The following FAM118A variants were observed in gnomAD, a reference collection of about 807,000 sequenced individuals.
FAM118A encodes the protein protein FAM118A.
Under a neutral mutation model 38.2 loss-of-function variants are expected in FAM118A, and 25 were observed. That is an observed-to-expected ratio of 0.65 (90% CI 0.48 to 0.91). The LOEUF is 0.91. Ranked by LOEUF, FAM118A falls within the 40% of genes least tolerant of loss-of-function variation. The pLI is 0.00. For synonymous variants in FAM118A, 178 were observed against 184.1 expected (o/e 0.97, Z 0.27); for missense variants, 425 against 463.3 (o/e 0.92, Z 0.76).
intron 1 of FAM118A, among the ~76,000 whole-genome samples, chr22:45,316,858 A>G (rs1011375305): frequency 2.0e-5 from 3 of 152,300 alleles, no homozygotes; most frequent in Admixed American, 1.3e-4. Flanking sequence ...TTCTGGGGTC[A>G]TTTTATGATC....
Position 45,327,882 on chromosome 22 carries a change from T to C in FAM118A, c.341T>C (p.Leu114Pro). The change falls in exon 4 of 9, where the codon CTG becomes CCG. Residue 114 changes from leucine (L) to proline (P), a missense_variant. By Grantham distance (98) the Leu-to-Pro change is moderately conservative. Transcript: ENST00000441876. ...DAKPSFFQDCLMEVFDDLEQH... is the reference protein window; with the variant it reads ...DAKPSFFQDCPMEVFDDLEQH... ...AAGCCCAGCTTCTTCCAGGACTGCCTGATGGAGGTGTTTGACGACCTGGAG... is the reference window on the plus strand; with the variant it reads ...AAGCCCAGCTTCTTCCAGGACTGCCCGATGGAGGTGTTTGACGACCTGGAG... 1 of 1,614,264 alleles carries C rather than the reference T, an allele frequency of 6.2e-7. No individual in the cohort carries two copies. Among genetic ancestry groups the C allele is most frequent in the Non-Finnish European group, 8.5e-7 (1 of 1,180,050 alleles).
intron 8 of FAM118A, 58 bp downstream of exon 8, chr22:45,336,469 T>A (rs2086104448): frequency 1.4e-6 from 2 of 1,379,354 alleles, no homozygotes; most frequent in Middle Eastern, 1.8e-4. Flanking sequence ...TTGGCAGGCA[T>A]CTTCAGGGAC....
chr22:45,335,787 A>T (rs776688861), intron 7 of FAM118A, among the ~76,000 whole-genome samples: 2 of 152,124 alleles, frequency 1.3e-5, no homozygotes, highest in African/African-American at 4.8e-5. Context: ...CCTATTTAAT[A>T]CTTGTTTTGA....
intron 8 of FAM118A, among the ~76,000 whole-genome samples, chr22:45,338,265 T>C (rs1260031121): frequency 6.6e-6 from 1 of 152,158 alleles, no homozygotes; most frequent in Admixed American, 6.6e-5. Context: ...AGTCTTGCTC[T>C]GTTGCCCAGG....
At chr22:45,331,670 T>G (rs1023604632) in intron 5 of FAM118A, among the ~76,000 whole-genome samples, 2 of 152,214 alleles carry the variant, frequency 1.3e-5, no homozygotes, top group Non-Finnish European at 2.9e-5. Context: ...TGCTCATCCC[T>G]GGGCCGGTGT....
At chr22:45,310,721 G>A (rs1417164175) in intron 1 of FAM118A, among the ~76,000 whole-genome samples, 3 of 152,120 alleles carry the variant, frequency 2.0e-5, no homozygotes, top group African/African-American at 7.2e-5. Context: ...CACCTCCTAA[G>A]CTGTGGTCCC....
intron 1 of FAM118A, among the ~76,000 whole-genome samples, chr22:45,314,314 C>T (rs1041938400): frequency 6.6e-6 from 1 of 152,232 alleles, no homozygotes; most frequent in Non-Finnish European, 1.5e-5. Flanking sequence ...TTCTATCTGC[C>T]TAATGGCAAC....
At chr22:45,312,562 T>C (rs760465336) in intron 1 of FAM118A, among the ~76,000 whole-genome samples, 32 of 152,132 alleles carry the variant, frequency 2.1e-4, no homozygotes, top group Non-Finnish European at 4.1e-4. Flanking sequence ...TAATCTCAGC[T>C]ACTCAGGAGG....
intron 7 of FAM118A, among the ~76,000 whole-genome samples, chr22:45,335,969 CCT>C (rs1255817930): frequency 1.3e-5 from 2 of 152,318 alleles, no homozygotes; most frequent in African/African-American, 2.4e-5. Flanking sequence ...TGTGCGCAGC[CCT>C]GTTTTCCCTG....
At position 45,340,731 on chromosome 22, in the gene FAM118A, A is replaced by G; in HGVS notation, c.*326A>G. ...ACAGGCTCTCTTTTGTCAAGGTGGTATTTTTCGTAATAAAAGGGGAAGAGT... is the reference window on the plus strand; with the variant it reads ...ACAGGCTCTCTTTTGTCAAGGTGGTGTTTTTCGTAATAAAAGGGGAAGAGT... On this transcript the variant is annotated 3_prime_UTR_variant, in exon 9 of 9. Coordinates refer to ENST00000441876, the MANE Select transcript of FAM118A (RefSeq NM_017911.4). 2.4e-6 allele frequency: 1 copy of G among 413,346 alleles called. No individual in the cohort carries two copies. The highest frequency in any genetic ancestry group is 4.3e-6 in the Non-Finnish European group (1 of 230,974). 25.6% of individuals were successfully genotyped at this position (413,346 alleles called of 1,614,324 possible). A position where few individuals can be genotyped will look rare whatever the true frequency, so the allele number is the denominator to read the frequency against.
At position 45,336,393 on chromosome 22, in the gene FAM118A, C is replaced by A; in HGVS notation, c.1036C>A (p.Arg346Ser). ...GAATGGAATTGAAGTTTCAAAAAAACGCACACAATCAGATACTGGTATTGT... is the reference window on the plus strand; with the variant it reads ...GAATGGAATTGAAGTTTCAAAAAAAAGCACACAATCAGATACTGGTATTGT... ...EENGIEVSKK[R>S]TQSDTDDAGG... Residue 346 changes from arginine to serine, a missense_variant, in exon 8 of 9, where the codon CGC (arginine) becomes AGC (serine). Physicochemically the swap from Arg to Ser is moderately radical, Grantham distance 110. Transcript: ENST00000441876. 6 of 1,613,720 alleles carry A rather than the reference C, an allele frequency of 3.7e-6. No individual in the cohort carries two copies. The highest frequency in any genetic ancestry group is 5.1e-6 in the Non-Finnish European group (6 of 1,179,594).
At chr22:45,315,483 A>G (rs1456175810) in intron 1 of FAM118A, among the ~76,000 whole-genome samples, 1 of 152,200 alleles carries the variant, frequency 6.6e-6, no homozygotes, top group African/African-American at 2.4e-5. Context: ...TGCTAGCGTG[A>G]GGCGGTTGAG....
rs1217014038 is a variant in FAM118A at position 45,322,402 on chromosome 22, C to T, written c.23C>T (p.Thr8Ile). Reference sequence around the variant, plus strand: ...CAGATGGATTCAGTGGAAAAGACAACAAATAGAAGTGAACAAAAATCCAGG... The same window carrying T: ...CAGATGGATTCAGTGGAAAAGACAATAAATAGAAGTGAACAAAAATCCAGG... MDSVEKTTNRSEQKSRKF... is the reference protein window; with the variant it reads MDSVEKTINRSEQKSRKF... The change falls in exon 2 of 9, where the codon ACA becomes ATA. Residue 8 changes from threonine to isoleucine, a missense_variant. By Grantham distance (89) the Thr-to-Ile change is moderately conservative (BLOSUM62 -1). Coordinates refer to ENST00000441876, the MANE Select transcript of FAM118A (RefSeq NM_017911.4). 1 of 1,610,690 alleles carries T rather than the reference C, an allele frequency of 6.2e-7. No individual in the cohort carries two copies. The highest frequency in any genetic ancestry group is 8.5e-7 in the Non-Finnish European group (1 of 1,179,260).
rs6007600 is a variant in FAM118A, at chr22:45,341,600, T to C, written c.*1195T>C. 72,289 of 152,158 alleles carry C rather than the reference T, an allele frequency of 0.48. 20,542 individuals carry two copies. Among genetic ancestry groups the C allele is most frequent in the African/African-American group, 0.8 (33,259 of 41,510 alleles). 9.4% of individuals were successfully genotyped at this position (152,158 alleles called of 1,614,324 possible). Reference sequence around the variant, plus strand: ...TTAAACCTTCTCAGGTTCACCCACATGAAACGGCTGTGCTGAGTGTGCTGC... The same window carrying C: ...TTAAACCTTCTCAGGTTCACCCACACGAAACGGCTGTGCTGAGTGTGCTGC... On this transcript the variant is annotated 3_prime_UTR_variant, in exon 9 of 9. Transcript: ENST00000441876.
Position 45,327,939 on chromosome 22 carries a change from C to CGATCCTCA in FAM118A, c.400_407dup (p.Ser136ArgfsTer5), listed in dbSNP as rs1215119235. On this transcript the variant is annotated frameshift_variant, in exon 4 of 9. Transcript: ENST00000441876. LOFTEE classifies it high-confidence loss of function. ...ATCCGGAGTCCTGTGGTGCTGCAGT[C>CGATCCTCA]GATCCTCAGCCTGATGGACAGGGGC... The CGATCCTCA allele has an allele frequency of 1.9e-6, 3 of 1,614,042 alleles. No individual in the cohort carries two copies. The Admixed American group carries it at 5.0e-5, about 27-fold the overall frequency.
intron 1 of FAM118A, among the ~76,000 whole-genome samples, chr22:45,312,462 C>T (rs891702697): frequency 1.6e-4 from 25 of 152,120 alleles, no homozygotes; most frequent in African/African-American, 5.8e-4. Context: ...CATCTGAGGT[C>T]GGCAGTTCGA....
At position 45,327,898 on chromosome 22, in the gene FAM118A, CG is replaced by C. The variant is rs762765078; in HGVS notation, c.358del (p.Asp120ThrfsTer18). 1 of 1,614,234 alleles carries C rather than the reference CG, an allele frequency of 6.2e-7. No individual in the cohort carries two copies. On this transcript the variant is annotated frameshift_variant, in exon 4 of 9. Transcript: ENST00000441876. LOFTEE classifies it high-confidence loss of function. ...AGGACTGCCTGATGGAGGTGTTTGACGACCTGGAGCAGCACATCCGGAGTCC... is the reference window on the plus strand; with the variant it reads ...AGGACTGCCTGATGGAGGTGTTTGACACCTGGAGCAGCACATCCGGAGTCC... ...FQDCLMEVFD[D>X]LEQHIRSPVV...
intron 6 of FAM118A, chr22:45,335,003 T>G: frequency 2.9e-5 from 8 of 274,452 alleles, no homozygotes; most frequent in East Asian, 7.1e-5. Flanking sequence ...TGCAAGGTCA[T>G]TGGGAGTTTT....
At position 45,314,310 on chromosome 22, in the gene FAM118A, C is replaced by T. The variant is rs1397911446; in HGVS notation, c.-10+4127C>T. On this transcript the variant is annotated intron_variant, in intron 1 of 8. Transcript: ENST00000441876. ...CTGCTCTGCCTGCCGCCTCTTCTAT[C>T]TGCCTAATGGCAACTCTTTCAACAT... Among the ~76,000 whole-genome samples the T allele has an allele frequency of 2.0e-5, 3 of 152,378 alleles. No individual in the cohort carries two copies. The East Asian group carries it at 5.8e-4, about 29-fold the overall frequency.
Sources: gnomAD v4.1 joint callset for allele counts (sites outside exome capture counted in the v4.1 genomes callset) on GRCh38, gnomAD v4.1.1 for gene constraint, MANE v1.5 for transcripts, NCBI Gene and HGNC (gene_info 2026-07-23, HGNC 2026-07-21) for gene names.